The following SHANK1 variants were observed in gnomAD, a reference collection of about 807,000 sequenced individuals.
SHANK1 encodes the protein SH3 and multiple ankyrin repeat domains 1, also known as SH3 and multiple ankyrin repeat domains protein 1.
A neutral mutation model predicts 165.6 loss-of-function variants in SHANK1; 35 were observed. That is an observed-to-expected ratio of 0.21 (90% confidence interval 0.16 to 0.28). The LOEUF (loss-of-function observed/expected upper bound fraction) is 0.28. Ranked by LOEUF, SHANK1 falls within the 10% of genes least tolerant of loss-of-function variation. SHANK1 has a pLI of 1.00. For synonymous variants in SHANK1, 1,428 were observed against 1,384.8 expected (o/e 1.03, Z -0.69); for missense variants, 2,681 against 3,036.4 (o/e 0.88, Z 2.75).
In SHANK1 at chr19:50,718,042, CA is replaced by C. The variant is rs2123212211; in HGVS notation, c.-43-1081del. 6.6e-6 allele frequency among the ~76,000 whole-genome samples: 1 copy of C among 152,182 alleles called. No homozygotes were observed. Among genetic ancestry groups the C allele is most frequent in the Admixed American group, 6.5e-5 (1 of 15,296 alleles). The stretch of plus-strand genomic sequence containing the variant: ...GAATGTCTGGTCTGGTCCCTCCCCC[CA>C]ACACCAGGCCCGGTTCCTGCACCGT... On this transcript the variant is annotated intron_variant, in intron 1 of 23. Transcript: ENST00000293441. This position sits in a 1 kb window ranked among gnomAD's most constrained non-coding sequence, Gnocchi z 5.1.
Position 50,716,738 on chromosome 19 carries a change from G to T in SHANK1, c.182C>A (p.Ser61Ter). The change falls in exon 2 of 24, where the codon TCA (serine) becomes TAA (stop). Residue 61 changes from serine (S) to a stop codon, truncating the protein, a stop_gained. Coordinates refer to ENST00000293441, the MANE Select transcript of SHANK1 (RefSeq NM_016148.5). LOFTEE classifies it high-confidence loss of function. The surrounding 1 kb of genome is among the most constrained non-coding windows in gnomAD (Gnocchi z 8.4). ...LASVRGLQGRSMSVPDDAHFS... is the reference protein window; with the variant it reads ...LASVRGLQGR ...GTGGGCGTCGTCTGGGACGGACATT[G>T]AGCGGCCCTGGAGGCCTCTAACAGA... The T allele has an allele frequency of 6.2e-7, 1 of 1,608,586 alleles. No individual in the cohort carries two copies. Among genetic ancestry groups the T allele is most frequent in the South Asian group, 1.1e-5 (1 of 90,622 alleles).
In SHANK1 at chr19:50,702,517, T is replaced by C; in HGVS notation, c.1697A>G (p.Gln566Arg). 1 of 1,613,360 alleles carries C rather than the reference T, an allele frequency of 6.2e-7. No homozygotes were observed. Among genetic ancestry groups the C allele is most frequent in the South Asian group, 1.1e-5 (1 of 91,064 alleles). ...GGAGATCTCCCCCTCGGCTTGGGCC[T>C]GGTAGGACTTCACAGCCATGAAGGA... Reference protein sequence around the residue: ...GRSFMAVKSYQAQAEGEISLS... With the variant: ...GRSFMAVKSYRAQAEGEISLS... Residue 566 changes from glutamine to arginine, a missense_variant, in exon 12 of 24, where the codon CAG becomes CGG. This residue lies in a region of SHANK1 where 195 missense variants were observed against 186.2 expected (regional missense o/e 1.05). Transcript: ENST00000293441. This position sits in a 1 kb window ranked among gnomAD's most constrained non-coding sequence, Gnocchi z 5.3.
At position 50,705,695 on chromosome 19, in the gene SHANK1, A is replaced by G. The variant is rs116731200; in HGVS notation, c.1078-1181T>C. Among the ~76,000 whole-genome samples, 910 of 152,252 alleles carry G rather than the reference A, an allele frequency of 6.0e-3. 7 individuals carry two copies. The highest frequency in any genetic ancestry group is 0.02 in the African/African-American group (817 of 41,536). On this transcript the variant is annotated intron_variant, in intron 8 of 23. Transcript: ENST00000293441. The stretch of plus-strand genomic sequence containing the variant: ...GACATTGCCAAGTGTCCCCTGGGAG[A>G]CAGAAGCTCCCAGGTTGAGAACCAC...
intron 22 of SHANK1, 142 bp from the exon 23 acceptor site, chr19:50,669,427 C>A: frequency 1.6e-6 from 1 of 641,438 alleles, no homozygotes; most frequent in Non-Finnish European, 2.8e-6. Context: ...TCGCCCAGCT[C>A]TTCCCTATTT....
rs1985315515 is a variant in SHANK1, at chr19:50,662,753, C to G, written c.5769-71G>C. Reference sequence around the variant, plus strand: ...GGCAAGGGCAGGGGTGAGAAAGAGGCAGAGGTCAAGATATAGGGAGAGAGG... The same window carrying G: ...GGCAAGGGCAGGGGTGAGAAAGAGGGAGAGGTCAAGATATAGGGAGAGAGG... On this transcript the variant is annotated intron_variant, in intron 23 of 23. Coordinates refer to ENST00000293441, the MANE Select transcript of SHANK1 (RefSeq NM_016148.5). This position sits in a 1 kb window ranked among gnomAD's most constrained non-coding sequence, Gnocchi z 7.7. 6.6e-7 allele frequency: 1 copy of G among 1,522,592 alleles called. No homozygotes were observed. The highest frequency in any genetic ancestry group is 1.4e-5 in the African/African-American group (1 of 71,396). The allele number at this position is 1,522,592 out of a possible 1,614,324, so 94.3% of individuals were successfully genotyped here. A position where few individuals can be genotyped will look rare whatever the true frequency, so the allele number is the denominator to read the frequency against.
intron 15 of SHANK1, 99 bp from the exon 16 acceptor site, chr19:50,689,378 C>T: frequency 1.2e-6 from 1 of 865,392 alleles, no homozygotes; most frequent in South Asian, 1.3e-5. Flanking sequence ...CAGACCCAAA[C>T]CTCTGCTCCA....
At chr19:50,709,957 T>C (rs1327397401) in intron 8 of SHANK1, among the ~76,000 whole-genome samples, 1 of 152,234 alleles carries the variant, frequency 6.6e-6, no homozygotes, top group Admixed American at 6.5e-5. Context: ...ATTATTATTC[T>C]GATGGCTGCC....
At chr19:50,664,896 A>G (rs1985413601) in intron 23 of SHANK1, among the ~76,000 whole-genome samples, 1 of 152,144 alleles carries the variant, frequency 6.6e-6, no homozygotes, top group Non-Finnish European at 1.5e-5. Context: ...CTAGGACTAC[A>G]GGTGCCCACC....
chr19:50,681,542 A>T (rs556893125), intron 21 of SHANK1, among the ~76,000 whole-genome samples: 1 of 152,270 alleles, frequency 6.6e-6, no homozygotes, highest in East Asian at 1.9e-4. Flanking sequence ...CTGTCCTGTA[A>T]CTGGGTTCGT....
In SHANK1 at chr19:50,670,662, C is replaced by CCT. The variant is rs1239805879; in HGVS notation, c.2674+1354_2674+1355dup. ...GCTCACTTGGCCCCTGCTACACAGGCCTCCTCCCTGTTCTGTAAACGCACC... is the reference window on the plus strand; with the variant it reads ...GCTCACTTGGCCCCTGCTACACAGGCCTCTCCTCCCTGTTCTGTAAACGCACC... On this transcript the variant is annotated intron_variant, in intron 22 of 23. Transcript: ENST00000293441. This position sits in a 1 kb window ranked among gnomAD's most constrained non-coding sequence, Gnocchi z 4.1. Among the ~76,000 whole-genome samples, 1 of 152,190 alleles carries CCT rather than the reference C, an allele frequency of 6.6e-6. No homozygotes were observed. Among genetic ancestry groups the CCT allele is most frequent in the Non-Finnish European group, 1.5e-5 (1 of 68,040 alleles).
intron 23 of SHANK1, among the ~76,000 whole-genome samples, chr19:50,663,372 C>A (rs1462528338): frequency 6.6e-5 from 10 of 152,096 alleles, no homozygotes; most frequent in Non-Finnish European, 1.5e-4. Flanking sequence ...CCCTCCCCTC[C>A]AGCACTGTCC....
Position 50,668,432 on chromosome 19 carries a change from G to A in SHANK1, c.3528C>T (p.Ser1176=). The A allele has an allele frequency of 7.5e-7, 1 of 1,332,088 alleles. No individual in the cohort carries two copies. Among genetic ancestry groups the A allele is most frequent in the South Asian group, 2.7e-5 (1 of 36,642 alleles). 82.5% of individuals were successfully genotyped at this position (1,332,088 alleles called of 1,614,324 possible). The change falls in exon 23 of 24, where the codon AGC becomes AGT. Residue 1176 remains serine, a synonymous_variant. Coordinates refer to ENST00000293441, the MANE Select transcript of SHANK1 (RefSeq NM_016148.5). The part of the protein sequence containing the change: ...SSSGRSSQGS[S]TEAEPPTQPE... ...GCTGGGTGGGGGGCTCCGCCTCGGT[G>A]CTGCTGCCCTGGCTGCTGCGGCCGC...
Position 50,718,967 on chromosome 19 carries a change from G to A in SHANK1, c.-44+439C>T, listed in dbSNP as rs911367151. 2.6e-5 allele frequency among the ~76,000 whole-genome samples: 4 copies of A among 151,886 alleles called. No individual in the cohort carries two copies. The highest frequency in any genetic ancestry group is 7.3e-5 in the African/African-American group (3 of 41,328). ...TGGAAGGAGAAGCGGGAGCTGGAGG[G>A]GTCGAAAGGGGCGGAGGAGGCCCGG... is the stretch of plus-strand genomic sequence containing the variant. On this transcript the variant is annotated intron_variant, in intron 1 of 23. Transcript: ENST00000293441. This position sits in a 1 kb window ranked among gnomAD's most constrained non-coding sequence, Gnocchi z 5.1.
Position 50,668,534 on chromosome 19 carries a change from G to A in SHANK1, c.3426C>T (p.Pro1142=), listed in dbSNP as rs769186319. The A allele has an allele frequency of 2.9e-6, 4 of 1,356,286 alleles. No individual in the cohort carries two copies. Among genetic ancestry groups the A allele is most frequent in the African/African-American group, 1.5e-5 (1 of 65,910 alleles). The allele number at this position is 1,356,286 out of a possible 1,614,324, so 84.0% of individuals were successfully genotyped here. The change falls in exon 23 of 24, where the codon CCC becomes CCT. Residue 1142 remains proline (P), a synonymous_variant. Coordinates refer to ENST00000293441, the MANE Select transcript of SHANK1 (RefSeq NM_016148.5). The part of the protein sequence containing the change: ...PTSPASPQPP[P]AVAAPSEKNS... Reference sequence around the variant, plus strand: ...TCTTCTCCGAGGGCGCGGCCACGGCGGGCGGCGGCTGCGGGGAGGCCGGGG... The same window carrying A: ...TCTTCTCCGAGGGCGCGGCCACGGCAGGCGGCGGCTGCGGGGAGGCCGGGG...
At position 50,702,615 on chromosome 19, in the gene SHANK1, G is replaced by A; in HGVS notation, c.1599C>T (p.Gly533=). The A allele has an allele frequency of 6.3e-7, 1 of 1,587,196 alleles. No individual in the cohort carries two copies. Among genetic ancestry groups the A allele is most frequent in the Non-Finnish European group, 8.6e-7 (1 of 1,167,576 alleles). ...CCAGGGAGCCCCCGGGGCCCCCTGA[G>A]CCCCCCGTGCCCCCGGCTGGCCCTT... ...PREGPAGGTG[G]SGGPGGSLGS... The change falls in exon 12 of 24, where the codon GGC becomes GGT. Residue 533 remains glycine (G), a synonymous_variant. Transcript: ENST00000293441. The surrounding 1 kb of genome is among the most constrained non-coding windows in gnomAD (Gnocchi z 5.3).
intron 11 of SHANK1, 58 bp downstream of exon 11, chr19:50,703,442 A>G (rs1435763603): frequency 2.1e-6 from 3 of 1,438,212 alleles, no homozygotes; most frequent in Non-Finnish European, 2.8e-6. Context: ...GAAGCCGCCG[A>G]TCTGGAGAGG....
intron 9 of SHANK1, 82 bp from the exon 10 acceptor site, chr19:50,704,268 C>T: frequency 1.4e-6 from 2 of 1,472,902 alleles, no homozygotes; most frequent in Non-Finnish European, 1.9e-6. Flanking sequence ...AGGTCCCTGG[C>T]CCGACCCAAA....
Position 50,702,721 on chromosome 19 carries a change from A to G in SHANK1, c.1554-61T>C. 9.0e-7 allele frequency: 1 copy of G among 1,112,022 alleles called. No individual in the cohort carries two copies. The highest frequency in any genetic ancestry group is 1.6e-5 in the African/African-American group (1 of 63,280). The allele number at this position is 1,112,022 out of a possible 1,614,324, so 68.9% of individuals were successfully genotyped here. Reference sequence around the variant, plus strand: ...GGAGGGAGGGGACACCTCTGGGAGGACAGGGGTCCTTGGGTGGGGGAAGAG... The same window carrying G: ...GGAGGGAGGGGACACCTCTGGGAGGGCAGGGGTCCTTGGGTGGGGGAAGAG... On this transcript the variant is annotated intron_variant, in intron 11 of 23. Coordinates refer to ENST00000293441, the MANE Select transcript of SHANK1 (RefSeq NM_016148.5). This position sits in a 1 kb window ranked among gnomAD's most constrained non-coding sequence, Gnocchi z 5.3.
chr19:50,710,750 C>CT (rs1201807047), intron 8 of SHANK1, among the ~76,000 whole-genome samples: 1 of 152,230 alleles, frequency 6.6e-6, no homozygotes, highest in African/African-American at 2.4e-5. Context: ...CTGTCATTCC[C>CT]TTCAGGGGCC....
Sources: gnomAD v4.1 joint callset for allele counts (sites outside exome capture counted in the v4.1 genomes callset) on GRCh38, gnomAD v4.1.1 for gene constraint, gnomAD v4.1.1 regional missense constraint, Gnocchi (gnomAD v3.1) non-coding constraint, MANE v1.5 for transcripts, NCBI Gene and HGNC (gene_info 2026-07-23, HGNC 2026-07-21) for gene names.